The following CASQ2 variants were observed in gnomAD, a reference collection of about 807,000 sequenced individuals.
CASQ2 encodes calsequestrin-2.
In CASQ2, 49 loss-of-function variants were observed where a neutral mutation model predicts 46.5. That is an observed-to-expected ratio of 1.05 (90% confidence interval 0.84 to 1.34). CASQ2 has a LOEUF of 1.34. Ranked by LOEUF, CASQ2 falls within the 40% of genes most tolerant of loss-of-function variation. The probability of loss-of-function intolerance (pLI) is 0.00; values close to 1 mark genes in which losing one functional copy is unlikely to be tolerated. For missense variants in CASQ2, 486 were observed against 481.3 expected, an observed-to-expected ratio of 1.01 and a Z score of -0.09; for synonymous variants, 174 against 168.5, an observed-to-expected ratio of 1.03 and a Z score of -0.25.
Position 115,726,983 on chromosome 1 carries a change from CT to C in CASQ2, c.737+8del. Reference sequence around the variant, plus strand: ...CAGGCCCCCAGCCCCCACATGCCATCTCAGGCACCTTTGGTGTTCCTTCACA... The same window carrying C: ...CAGGCCCCCAGCCCCCACATGCCATCCAGGCACCTTTGGTGTTCCTTCACA... On this transcript the variant is annotated splice_region_variant and intron_variant, in intron 6 of 10. Coordinates refer to ENST00000261448, the MANE Select transcript of CASQ2 (RefSeq NM_001232.4). The C allele has an allele frequency of 2.2e-6, 3 of 1,334,784 alleles. No homozygotes were observed. Among genetic ancestry groups the C allele is most frequent in the Non-Finnish European group, 3.1e-6 (3 of 966,878 alleles). 82.7% of individuals were successfully genotyped at this position (1,334,784 alleles called of 1,614,324 possible).
chr1:115,761,420 GAA>G (rs1648933776), intron 1 of CASQ2, among the ~76,000 whole-genome samples: 1 of 1,348 alleles, frequency 7.4e-4, no homozygotes, highest in Non-Finnish European at 1.2e-3. Flanking sequence ...AGAAGAAGAA[GAA>G]GAAGAAGAAG....
intron 3 of CASQ2, among the ~76,000 whole-genome samples, chr1:115,740,126 T>C (rs911846238): frequency 3.3e-5 from 5 of 152,242 alleles, no homozygotes; most frequent in African/African-American, 1.2e-4. Context: ...AGGTTCTTTA[T>C]CTGTGCAAGA....
chr1:115,743,928 A>G (rs1411219848), intron 2 of CASQ2, among the ~76,000 whole-genome samples: 6 of 152,092 alleles, frequency 3.9e-5, no homozygotes, highest in African/African-American at 1.4e-4. Flanking sequence ...TTCAAGATCA[A>G]GAGTTCAACA....
chr1:115,709,306 G>A (rs533060131), intron 8 of CASQ2, among the ~76,000 whole-genome samples: 57 of 152,290 alleles, frequency 3.7e-4, no homozygotes, highest in East Asian at 2.3e-3. Flanking sequence ...GTAGGAAGCC[G>A]CATTTCACTT....
chr1:115,750,902 G>GTATGTATCGCACCTACAGGATGTAGT (rs1553196370), intron 1 of CASQ2, among the ~76,000 whole-genome samples: 31 of 152,240 alleles, frequency 2.0e-4, no homozygotes, highest in Non-Finnish European at 4.1e-4. Context: ...TATCCTGTAG[G>GTATGTATCGCACCTACAGGATGTAGT]TATGTATCGC....
chr1:115,740,732 A>G lies in CASQ2; in HGVS notation c.416T>C (p.Leu139Ser). The G allele has an allele frequency of 6.2e-7, 1 of 1,602,596 alleles. No individual in the cohort carries two copies. Among genetic ancestry groups the G allele is most frequent in the Non-Finnish European group, 8.6e-7 (1 of 1,169,568 alleles). ...TCACTGTGTATAAATACTTACATCCAAGAGGAACTCCACCAAGACATCAGC... is the reference window on the plus strand; with the variant it reads ...TCACTGTGTATAAATACTTACATCCGAGAGGAACTCCACCAAGACATCAGC... ...FAADVLVEFL[L>S]DLIEDPVEII... The change falls in exon 3 of 11, where the codon TTG becomes TCG. Residue 139 changes from leucine (L) to serine (S), a missense_variant. Coordinates refer to ENST00000261448, the MANE Select transcript of CASQ2 (RefSeq NM_001232.4).
rs1648915581 is a variant in CASQ2, at chr1:115,761,003, T to C, written c.234+7305A>G. Among the ~76,000 whole-genome samples, 2 of 152,150 alleles carry C rather than the reference T, an allele frequency of 1.3e-5. 1 individual carries two copies. The highest frequency in any genetic ancestry group is 4.1e-4 in the South Asian group (2 of 4,824). On this transcript the variant is annotated intron_variant, in intron 1 of 10. Coordinates refer to ENST00000261448, the MANE Select transcript of CASQ2 (RefSeq NM_001232.4). The stretch of plus-strand genomic sequence containing the variant: ...ACCTGTTTTCATTTAATTCTCCTAA[T>C]TCATGGAGGTAGGAGCTAATGGTTG...
chr1:115,705,111 T>A, intron 9 of CASQ2, 81 bp downstream of exon 9: 1 of 928,396 alleles, frequency 1.1e-6, no homozygotes. Flanking sequence ...TGCCCCTGCC[T>A]ATTTCACCTC....
intron 1 of CASQ2, among the ~76,000 whole-genome samples, chr1:115,757,426 G>A (rs1290813743): frequency 6.6e-6 from 1 of 152,208 alleles, no homozygotes; most frequent in Non-Finnish European, 1.5e-5. Flanking sequence ...TCAGAGTGGA[G>A]CAGGTGTGAA....
chr1:115,751,838 C>T (rs763537034), intron 1 of CASQ2, among the ~76,000 whole-genome samples: 5 of 152,198 alleles, frequency 3.3e-5, no homozygotes, highest in Non-Finnish European at 7.3e-5. Context: ...ACCTAAATCC[C>T]TAACATGGCC....
rs148716230 is a variant in CASQ2 at position 115,713,370 on chromosome 1, G to C, written c.838+4470C>G. ...ACAGGGCTAGGAAATGTCCTTCCCA[G>C]CCAGGCCTGCCTAAGGGCATGGGAT... On this transcript the variant is annotated intron_variant, in intron 8 of 10. Coordinates refer to ENST00000261448, the MANE Select transcript of CASQ2 (RefSeq NM_001232.4). Among the ~76,000 whole-genome samples the C allele has an allele frequency of 7.2e-5, 11 of 152,314 alleles. No individual in the cohort carries two copies. In the East Asian group the frequency reaches 2.1e-3, roughly 29 times the overall value.
chr1:115,746,625 G>A (rs1043810406), intron 1 of CASQ2, among the ~76,000 whole-genome samples: 5 of 152,138 alleles, frequency 3.3e-5, no homozygotes, highest in South Asian at 2.1e-4. Context: ...CCATGTGTAT[G>A]TTCTCTACTA....
At chr1:115,723,562 G>A (rs1191359952) in intron 7 of CASQ2, among the ~76,000 whole-genome samples, 1 of 151,030 alleles carries the variant, frequency 6.6e-6, no homozygotes, top group Non-Finnish European at 1.5e-5. Flanking sequence ...TTTTGAGACA[G>A]GGTCTCACTC....
rs993838748 is a variant in CASQ2, at chr1:115,740,399, C to T, written c.420+329G>A. Among the ~76,000 whole-genome samples, 6 of 152,216 alleles carry T rather than the reference C, an allele frequency of 3.9e-5. No homozygotes were observed. The East Asian group carries it at 5.8e-4, about 15-fold the overall frequency. On this transcript the variant is annotated intron_variant, in intron 3 of 10. Coordinates refer to ENST00000261448, the MANE Select transcript of CASQ2 (RefSeq NM_001232.4). Reference sequence around the variant, plus strand: ...CCTCTCTCTTCAGGTGGCTGGTTAGCCCCCTCACTCCCCACATTCCCCAGC... The same window carrying T: ...CCTCTCTCTTCAGGTGGCTGGTTAGTCCCCTCACTCCCCACATTCCCCAGC...
In CASQ2 at chr1:115,703,011, A is replaced by T. The variant is rs769909833; in HGVS notation, c.940-16T>A. 1 of 1,607,384 alleles carries T rather than the reference A, an allele frequency of 6.2e-7. No homozygotes were observed. On this transcript the variant is annotated splice_polypyrimidine_tract_variant and intron_variant, in intron 9 of 10. Transcript: ENST00000261448. ...AGGCAACGAGCTGCAGCAACAAAAA[A>T]ATAAGATTAGACAGCAGGCAGAGGG...
At chr1:115,719,963 A>T (rs1488300693) in intron 7 of CASQ2, among the ~76,000 whole-genome samples, 2 of 152,196 alleles carry the variant, frequency 1.3e-5, no homozygotes, top group South Asian at 2.1e-4. Context: ...AAGTGGCAAC[A>T]ATATCTGCTA....
intron 7 of CASQ2, among the ~76,000 whole-genome samples, chr1:115,722,726 A>T (rs1356707965): frequency 6.6e-6 from 1 of 152,138 alleles, no homozygotes; most frequent in East Asian, 1.9e-4. Context: ...GAAGACCAAG[A>T]CCCTGTTCCA....
intron 1 of CASQ2, among the ~76,000 whole-genome samples, chr1:115,764,274 T>C (rs1001097006): frequency 2.0e-5 from 3 of 152,166 alleles, no homozygotes; most frequent in African/African-American, 7.2e-5. Flanking sequence ...TACAGTGGAA[T>C]ACTATGCTGG....
intron 8 of CASQ2, among the ~76,000 whole-genome samples, chr1:115,713,489 C>T (rs1215985040): frequency 6.6e-6 from 1 of 152,174 alleles, no homozygotes; most frequent in Admixed American, 6.5e-5. Flanking sequence ...AGGGTTGCTG[C>T]CTTCCCTCAG....
Sources: gnomAD v4.1 joint callset for allele counts (sites outside exome capture counted in the v4.1 genomes callset) on GRCh38, gnomAD v4.1.1 for gene constraint, MANE v1.5 for transcripts, NCBI Gene and HGNC (gene_info 2026-07-23, HGNC 2026-07-21) for gene names.